Variants in PRKN observed in about 807,000 individuals in gnomAD.
The protein encoded by PRKN is parkin RBR E3 ubiquitin protein ligase, also known as E3 ubiquitin-protein ligase parkin.
A neutral mutation model predicts 59.5 loss-of-function variants in PRKN; 56 were observed. The observed-to-expected ratio is 0.94, with a 90% CI of 0.76 to 1.18. PRKN has a LOEUF of 1.18. Among genes scored for constraint, PRKN ranks in the 50% most tolerant of loss-of-function variants. PRKN has a pLI of 0.00. For missense variants in PRKN, 657 were observed against 596.4 expected, an observed-to-expected ratio of 1.10 and a Z score of -1.06; for synonymous variants, 250 against 222.1, an observed-to-expected ratio of 1.13 and a Z score of -1.12.
chr6:162,199,744 A>G (rs945825821), intron 4 of PRKN, among the ~76,000 whole-genome samples: 2 of 152,174 alleles, frequency 1.3e-5, no homozygotes, highest in Non-Finnish European at 2.9e-5. Context: ...GACAGCTGAA[A>G]TGTTCATCAA....
chr6:161,800,970 C>T (rs766729141), intron 6 of PRKN, among the ~76,000 whole-genome samples: 6 of 152,170 alleles, frequency 3.9e-5, no homozygotes, highest in Non-Finnish European at 8.8e-5. Context: ...ATCTCACTGC[C>T]TAATGCTGGG....
chr6:162,141,785 C>T (rs955064126), intron 4 of PRKN, among the ~76,000 whole-genome samples: 2 of 152,100 alleles, frequency 1.3e-5, no homozygotes, highest in Non-Finnish European at 2.9e-5. Context: ...TTAACACACA[C>T]GAAGAGCAGG....
intron 7 of PRKN, among the ~76,000 whole-genome samples, chr6:161,607,940 T>C (rs1311639024): frequency 6.6e-6 from 1 of 152,120 alleles, no homozygotes; most frequent in African/African-American, 2.4e-5. Context: ...CCACCAGCCC[T>C]GAAAGCTTGA....
At chr6:161,772,342 T>C (rs969786537) in intron 7 of PRKN, among the ~76,000 whole-genome samples, 1 of 152,220 alleles carries the variant, frequency 6.6e-6, no homozygotes, top group East Asian at 1.9e-4. Context: ...TCTCATTTCC[T>C]GTGACACTGC....
intron 2 of PRKN, among the ~76,000 whole-genome samples, chr6:162,439,340 T>TTC (rs35631679): frequency 0.015 from 1,966 of 134,808 alleles, 35 homozygotes; most frequent in African/African-American, 0.043. Flanking sequence ...TACCCCTCCC[T>TTC]TCTCTCTCTC....
chr6:162,710,921 T>G (rs1410093852), intron 1 of PRKN, among the ~76,000 whole-genome samples: 2 of 152,190 alleles, frequency 1.3e-5, no homozygotes, highest in African/African-American at 4.8e-5. Context: ...AAGGGCACAG[T>G]GCATCCAGCC....
chr6:161,657,274 C>A (rs1784382894), intron 7 of PRKN, among the ~76,000 whole-genome samples: 2 of 152,236 alleles, frequency 1.3e-5, no homozygotes, highest in Admixed American at 1.3e-4. Flanking sequence ...CGCCACTTCT[C>A]ATGTAGATTT....
chr6:161,831,488 A>C (rs949083866), intron 6 of PRKN, among the ~76,000 whole-genome samples: 3 of 152,204 alleles, frequency 2.0e-5, no homozygotes, highest in Non-Finnish European at 4.4e-5. Flanking sequence ...TGACAGCAGA[A>C]AAATCCCAGG....
chr6:161,404,247 A>T (rs964070217), intron 9 of PRKN, among the ~76,000 whole-genome samples: 1 of 152,138 alleles, frequency 6.6e-6, no homozygotes, highest in African/African-American at 2.4e-5. Context: ...CTGCTATCTA[A>T]GTACTTGGCC....
At position 161,357,153 on chromosome 6, in the gene PRKN, G is replaced by T. The variant is rs897107584; in HGVS notation, c.1285+2935C>A. Among the ~76,000 whole-genome samples the T allele has an allele frequency of 6.8e-5, 10 of 148,092 alleles. No homozygotes were observed. Among genetic ancestry groups the T allele is most frequent in the Non-Finnish European group, 7.4e-5 (5 of 67,582 alleles). On this transcript the variant is annotated intron_variant, in intron 11 of 11. Coordinates refer to ENST00000366898, the MANE Select transcript of PRKN (RefSeq NM_004562.3). The surrounding 1 kb of genome is among the most constrained non-coding windows in gnomAD (Gnocchi z 5.5). ...TGCAAATTCCGCCTCCCAGGTTCAA[G>T]TAATTCTCCTGCCTCAGGTTCCCAA...
chr6:161,379,382 T>C lies in PRKN; in HGVS notation c.1167+7412A>G, dbSNP rs921872277. Among the ~76,000 whole-genome samples, 5 of 152,140 alleles carry C rather than the reference T, an allele frequency of 3.3e-5. No individual in the cohort carries two copies. Among genetic ancestry groups the C allele is most frequent in the African/African-American group, 1.2e-4 (5 of 41,434 alleles). Reference sequence around the variant, plus strand: ...AACTTCAAGACCAGCTGTGGCAGCATGAGCTACATATAGTTTACCCTGCTA... The same window carrying C: ...AACTTCAAGACCAGCTGTGGCAGCACGAGCTACATATAGTTTACCCTGCTA... On this transcript the variant is annotated intron_variant, in intron 10 of 11. Coordinates refer to ENST00000366898, the MANE Select transcript of PRKN (RefSeq NM_004562.3). The surrounding 1 kb of genome is among the most constrained non-coding windows in gnomAD (Gnocchi z 4.9).
chr6:161,801,920 T>C (rs1452974708), intron 6 of PRKN, among the ~76,000 whole-genome samples: 2 of 152,164 alleles, frequency 1.3e-5, no homozygotes, highest in African/African-American at 2.4e-5. Flanking sequence ...CATTCCTTCA[T>C]TCAACTAATG....
rs1791568750 is a variant in PRKN at position 161,484,632 on chromosome 6, G to A, written c.1083+64222C>T. On this transcript the variant is annotated intron_variant, in intron 9 of 11. Transcript: ENST00000366898. The surrounding 1 kb of genome is among the most constrained non-coding windows in gnomAD (Gnocchi z 4.9). ...ACTAAACGCAGGGAGTCTGACTCAGGGTGTTCAATCTCAGCACTACTGAAG... is the reference window on the plus strand; with the variant it reads ...ACTAAACGCAGGGAGTCTGACTCAGAGTGTTCAATCTCAGCACTACTGAAG... Among the ~76,000 whole-genome samples the A allele has an allele frequency of 6.6e-6, 1 of 152,092 alleles. No homozygotes were observed. The highest frequency in any genetic ancestry group is 1.5e-5 in the Non-Finnish European group (1 of 68,010).
intron 9 of PRKN, among the ~76,000 whole-genome samples, chr6:161,394,022 C>A (rs549193731): frequency 2.6e-5 from 4 of 152,202 alleles, no homozygotes; most frequent in Admixed American, 1.3e-4. Context: ...ATACGTAAGT[C>A]CAGCCTCTGT....
intron 1 of PRKN, among the ~76,000 whole-genome samples, chr6:162,613,175 T>G (rs1255882757): frequency 6.6e-6 from 1 of 152,186 alleles, no homozygotes; most frequent in African/African-American, 2.4e-5. Context: ...AGCTGCAGGA[T>G]ATCCAACTCC....
intron 3 of PRKN, among the ~76,000 whole-genome samples, chr6:162,202,222 AT>A: frequency 6.6e-6 from 1 of 152,106 alleles, no homozygotes; most frequent in Non-Finnish European, 1.5e-5. Flanking sequence ...AACATTTGGA[AT>A]GAAAATCTTC....
intron 9 of PRKN, among the ~76,000 whole-genome samples, chr6:161,425,121 C>T (rs1381181619): frequency 6.6e-6 from 1 of 152,016 alleles, no homozygotes; most frequent in African/African-American, 2.4e-5. Flanking sequence ...TCTCTGTCTC[C>T]TCTCTCTCAC....
chr6:162,533,924 T>G (rs769035579), intron 1 of PRKN, among the ~76,000 whole-genome samples: 3 of 146,680 alleles, frequency 2.0e-5, no homozygotes, highest in Non-Finnish European at 4.5e-5. Context: ...TGAGCCGAGA[T>G]TGCACCAATG....
intron 5 of PRKN, among the ~76,000 whole-genome samples, chr6:162,028,884 A>G (rs1368691017): frequency 2.0e-5 from 3 of 152,258 alleles, no homozygotes; most frequent in Non-Finnish European, 4.4e-5. Context: ...GGCACAAGCC[A>G]TGTGGAAACC....
Sources: gnomAD v4.1 joint callset for allele counts (sites outside exome capture counted in the v4.1 genomes callset) on GRCh38, gnomAD v4.1.1 for gene constraint, Gnocchi (gnomAD v3.1) non-coding constraint, MANE v1.5 for transcripts, NCBI Gene and HGNC (gene_info 2026-07-23, HGNC 2026-07-21) for gene names.